The following GALNT13 variants were observed in gnomAD, a reference collection of about 807,000 sequenced individuals.
GALNT13 encodes the protein polypeptide N-acetylgalactosaminyltransferase 13.
In GALNT13, 28 loss-of-function variants were observed where a neutral mutation model predicts 64.2. That is an observed-to-expected ratio of 0.44 (90% CI 0.32 to 0.60). The LOEUF (loss-of-function observed/expected upper bound fraction) is 0.60, where lower values mean the gene tolerates loss of function less well. Among genes scored for constraint, GALNT13 ranks in the 20% least tolerant of loss-of-function variants. GALNT13 has a pLI of 0.05. For synonymous variants in GALNT13, 214 were observed against 224.6 expected (o/e 0.95, Z 0.42); for missense variants, 577 against 669.8 (o/e 0.86, Z 1.53).
At chr2:153,816,064 G>C in the GALNT13 span, among the ~76,000 whole-genome samples, 1 of 152,092 alleles carries the variant, frequency 6.6e-6, no homozygotes, top group African/African-American at 2.4e-5. Flanking sequence ...GTTCTGTGAG[G>C]TTTACATTCT....
intron 8 of GALNT13, among the ~76,000 whole-genome samples, chr2:154,298,635 ATTT>A (rs1693160256): frequency 3.7e-5 from 3 of 80,066 alleles, no homozygotes; most frequent in Non-Finnish European, 7.7e-5. Flanking sequence ...TGTATATATA[ATTT>A]ATATATACAT....
the GALNT13 span, among the ~76,000 whole-genome samples, chr2:153,653,774 C>T: frequency 6.6e-6 from 1 of 152,172 alleles, no homozygotes; most frequent in South Asian, 2.1e-4. Context: ...AACAGCCTAA[C>T]ATTTTTTCTG....
intron 3 of GALNT13, among the ~76,000 whole-genome samples, chr2:154,137,834 C>A (rs531392335): frequency 9.2e-5 from 14 of 151,848 alleles, no homozygotes; most frequent in Non-Finnish European, 1.9e-4. Context: ...AACATGCATC[C>A]CCAAATATGC....
At chr2:153,854,047 G>A in the GALNT13 span, among the ~76,000 whole-genome samples, 1 of 151,586 alleles carries the variant, frequency 6.6e-6, no homozygotes, top group Non-Finnish European at 1.5e-5. Flanking sequence ...GAAGTCCATA[G>A]TATGTTAATT....
the GALNT13 span, among the ~76,000 whole-genome samples, chr2:153,845,079 A>G: frequency 3.9e-5 from 6 of 152,148 alleles, no homozygotes; most frequent in African/African-American, 7.2e-5. Flanking sequence ...CAAGCCCTCC[A>G]AAGTCTTTCA....
the GALNT13 span, among the ~76,000 whole-genome samples, chr2:153,245,999 G>A: frequency 3.3e-4 from 50 of 151,844 alleles, no homozygotes; most frequent in African/African-American, 1.1e-3. Context: ...ACTTCGTAAA[G>A]CATACACAAG....
chr2:154,246,869 A>T (rs1376224509), intron 7 of GALNT13, among the ~76,000 whole-genome samples: 1 of 152,064 alleles, frequency 6.6e-6, no homozygotes, highest in African/African-American at 2.4e-5. Context: ...ATGGAAGGAC[A>T]TTGAACTAAA....
the GALNT13 span, among the ~76,000 whole-genome samples, chr2:153,412,223 C>A: frequency 6.6e-6 from 1 of 151,972 alleles, no homozygotes; most frequent in Non-Finnish European, 1.5e-5. Flanking sequence ...CTAGGGAACC[C>A]TGTTTAATAC....
the GALNT13 span, among the ~76,000 whole-genome samples, chr2:153,302,927 A>C: frequency 1.1e-3 from 164 of 152,140 alleles, 2 homozygotes; most frequent in Non-Finnish European, 5.7e-4. Context: ...GGCCAATACC[A>C]TGTGTTTTTG....
the GALNT13 span, among the ~76,000 whole-genome samples, chr2:153,680,138 GATAA>G: frequency 1.3e-5 from 2 of 151,756 alleles, no homozygotes; most frequent in Non-Finnish European, 2.9e-5. Context: ...TGAATAAATA[GATAA>G]ATGAATAAAT....
At chr2:153,286,180 G>A in the GALNT13 span, among the ~76,000 whole-genome samples, 2 of 152,080 alleles carry the variant, frequency 1.3e-5, no homozygotes, top group African/African-American at 2.4e-5. Context: ...CTGTATAAGG[G>A]ATTATATTGT....
At chr2:154,203,918 A>G (rs549879960) in intron 4 of GALNT13, among the ~76,000 whole-genome samples, 2 of 152,306 alleles carry the variant, frequency 1.3e-5, no homozygotes, top group South Asian at 2.1e-4. Context: ...CACTCCTTCA[A>G]TAGTGATTCT....
At chr2:153,806,333 A>G in the GALNT13 span, among the ~76,000 whole-genome samples, 1 of 152,114 alleles carries the variant, frequency 6.6e-6, no homozygotes, top group Non-Finnish European at 1.5e-5. Flanking sequence ...ATTGCAATTG[A>G]CTTAAATCCA....
intron 7 of GALNT13, among the ~76,000 whole-genome samples, chr2:154,255,053 G>A (rs184972826): frequency 1.7e-3 from 254 of 152,196 alleles, no homozygotes; most frequent in African/African-American, 5.7e-3. Context: ...TGACAGCAAG[G>A]AAAAAGGAGG....
intron 1 of GALNT13, among the ~76,000 whole-genome samples, chr2:153,883,378 G>T (rs889174568): frequency 1.3e-5 from 2 of 151,908 alleles, no homozygotes; most frequent in Admixed American, 6.6e-5. Context: ...ATGAATTGAG[G>T]ATAATTATCA....
chr2:153,365,085 C>A, the GALNT13 span, among the ~76,000 whole-genome samples: 1 of 152,108 alleles, frequency 6.6e-6, no homozygotes, highest in African/African-American at 2.4e-5. Context: ...AGAAATAACA[C>A]CACACATCTA....
the GALNT13 span, among the ~76,000 whole-genome samples, chr2:153,489,980 T>TACACACACACACACACACAC: frequency 6.8e-6 from 1 of 147,872 alleles, no homozygotes; most frequent in Admixed American, 6.8e-5. Flanking sequence ...GGCCCTGTTT[T>TACACACACACACACACACAC]ACACACACAC....
At chr2:154,429,929 T>G (rs1170428955) in intron 11 of GALNT13, among the ~76,000 whole-genome samples, 1 of 152,192 alleles carries the variant, frequency 6.6e-6, no homozygotes, top group Non-Finnish European at 1.5e-5. Context: ...TTATAGCACA[T>G]CTGTTTGCAA....
Position 154,043,411 on chromosome 2 carries a change from C to A in GALNT13, c.143-96926C>A, listed in dbSNP as rs1199164209. Among the ~76,000 whole-genome samples, 15 of 73,262 alleles carry A rather than the reference C, an allele frequency of 2.0e-4. 1 individual carries two copies. The highest frequency in any genetic ancestry group is 2.9e-4 in the Admixed American group (2 of 6,854). The allele number at this position is 73,262 out of a possible 152,430, so 48.1% of individuals were successfully genotyped here. On this transcript the variant is annotated intron_variant, in intron 3 of 12. Coordinates refer to ENST00000392825, the MANE Select transcript of GALNT13 (RefSeq NM_052917.4). ...TCTTCTGTCAACACTACTATAAGGA[C>A]TTTTATATATATATATATATATATA...
Sources: allele counts gnomAD v4.1 joint callset (sites outside exome capture counted in the v4.1 genomes callset), GRCh38; gene constraint gnomAD v4.1.1; transcripts MANE v1.5; gene names NCBI Gene and HGNC (gene_info 2026-07-23, HGNC 2026-07-21).